The following WDR47 variants were observed in gnomAD, a reference collection of about 807,000 sequenced individuals.
The protein encoded by WDR47 is WD repeat-containing protein 47.
A neutral mutation model predicts 97.2 loss-of-function variants in WDR47; 32 were observed. The observed-to-expected ratio is 0.33, with a 90% CI of 0.25 to 0.44. WDR47 has a LOEUF of 0.44. Ranked by LOEUF, WDR47 falls within the 20% of genes least tolerant of loss-of-function variation. WDR47 has a pLI of 1.00. For missense variants in WDR47, 782 were observed against 1,102.3 expected, an observed-to-expected ratio of 0.71 and a Z score of 4.11; for synonymous variants, 375 against 373.5, an observed-to-expected ratio of 1.00 and a Z score of -0.05.
chr1:109,009,866 C>T (rs539024447), intron 5 of WDR47, among the ~76,000 whole-genome samples: 81 of 151,962 alleles, frequency 5.3e-4, no homozygotes, highest in African/African-American at 1.8e-3. Context: ...GGCGTGGTGG[C>T]GGGTGTTTGC....
In WDR47 at chr1:108,974,523, C is replaced by A; in HGVS notation, c.2617+13G>T. On this transcript the variant is annotated intron_variant, in intron 14 of 14. Coordinates refer to ENST00000369962, the MANE Select transcript of WDR47 (RefSeq NM_001142551.2). Reference sequence around the variant, plus strand: ...CAGGAAAGACTAAAAACAGAGAAGTCGATCTCAATCACCTTGTAGGTCTGT... The same window carrying A: ...CAGGAAAGACTAAAAACAGAGAAGTAGATCTCAATCACCTTGTAGGTCTGT... The A allele has an allele frequency of 1.9e-6, 3 of 1,608,828 alleles. No homozygotes were observed. The highest frequency in any genetic ancestry group is 2.2e-5 in the East Asian group (1 of 44,822).
chr1:108,974,466 C>T, intron 14 of WDR47, 70 bp downstream of exon 14: 1 of 1,262,906 alleles, frequency 7.9e-7, no homozygotes, highest in Non-Finnish European at 1.1e-6. Flanking sequence ...AACCACATCA[C>T]ATTAACAAAA....
rs576958432 is a variant in WDR47, at chr1:109,027,215, C to T, written c.-9-3694G>A. Among the ~76,000 whole-genome samples the T allele has an allele frequency of 1.3e-4, 20 of 151,942 alleles. No homozygotes were observed. In the East Asian group the frequency reaches 1.7e-3, roughly 13 times the overall value. The stretch of plus-strand genomic sequence containing the variant: ...GATTACAGGCGTGCACTTACACAAC[C>T]GGCTAATTTTTTGTATTTTTAGTAG... On this transcript the variant is annotated intron_variant, in intron 1 of 14. Transcript: ENST00000369962.
chr1:108,979,943 G>C (rs1265658287), intron 13 of WDR47, among the ~76,000 whole-genome samples: 1 of 152,180 alleles, frequency 6.6e-6, no homozygotes, highest in Non-Finnish European at 1.5e-5. Flanking sequence ...TGACAAATGA[G>C]TGAGCATTAC....
chr1:109,009,713 T>C (rs1005479958), intron 5 of WDR47, among the ~76,000 whole-genome samples: 1 of 152,134 alleles, frequency 6.6e-6, no homozygotes, highest in Admixed American at 6.6e-5. Flanking sequence ...AATGTATTCA[T>C]ATAGCCAGGC....
chr1:108,970,548 T>G lies in WDR47; in HGVS notation c.*882A>C, dbSNP rs528857181. 6.5e-6 allele frequency: 1 copy of G among 152,744 alleles called. No homozygotes were observed. Among genetic ancestry groups the G allele is most frequent in the African/African-American group, 2.4e-5 (1 of 41,576 alleles). The allele number at this position is 152,744 out of a possible 1,614,324, so 9.5% of individuals were successfully genotyped here. ...AAAGTTTAAATCTTCCATTTTAAAT[T>G]ATCATGCAGACATAGCATTTCAAGC... is the stretch of plus-strand genomic sequence containing the variant. On this transcript the variant is annotated 3_prime_UTR_variant, in exon 15 of 15. Coordinates refer to ENST00000369962, the MANE Select transcript of WDR47 (RefSeq NM_001142551.2).
chr1:109,034,777 C>T (rs532148946), intron 1 of WDR47, among the ~76,000 whole-genome samples: 76 of 152,262 alleles, frequency 5.0e-4, no homozygotes, highest in African/African-American at 1.8e-3. Flanking sequence ...TACCTGGTGC[C>T]AAAAGGGCTG....
intron 2 of WDR47, among the ~76,000 whole-genome samples, chr1:109,021,729 G>T (rs758376890): frequency 3.9e-5 from 6 of 152,098 alleles, no homozygotes; most frequent in Admixed American, 2.0e-4. Flanking sequence ...ATTTCACCAC[G>T]TTGGCCAGGC....
chr1:109,010,046 G>C (rs1477924094), intron 5 of WDR47, among the ~76,000 whole-genome samples: 1 of 151,626 alleles, frequency 6.6e-6, no homozygotes, highest in Non-Finnish European at 1.5e-5. Flanking sequence ...AAAAAAGACT[G>C]GTCCATCTAA....
At chr1:108,987,985 C>A (rs1421598595) in intron 9 of WDR47, among the ~76,000 whole-genome samples, 5 of 151,262 alleles carry the variant, frequency 3.3e-5, no homozygotes, top group African/African-American at 1.2e-4. Context: ...CCTATAATCC[C>A]AGCACTTTGT....
chr1:109,035,091 AAAC>A (rs1428789559), intron 1 of WDR47, among the ~76,000 whole-genome samples: 1 of 151,424 alleles, frequency 6.6e-6, no homozygotes, highest in Non-Finnish European at 1.5e-5. Flanking sequence ...CAAAAAAAAA[AAAC>A]AATTAGCCAG....
At chr1:108,971,686 T>C in intron 14 of WDR47, 114 bp from the exon 15 acceptor site, 1 of 1,150,952 alleles carries the variant, frequency 8.7e-7, no homozygotes. Flanking sequence ...ACTACATTAA[T>C]ATAATACATT....
chr1:109,032,880 G>C lies in WDR47; in HGVS notation c.-10+8982C>G, dbSNP rs370412929. 2.1e-3 allele frequency among the ~76,000 whole-genome samples: 315 copies of C among 152,056 alleles called. 1 individual carries two copies. The highest frequency in any genetic ancestry group is 0.02 in the Middle Eastern group (6 of 294). ...CCACTGCACTCCAGCCTGGGTGACAGAGTGACACTCTGTCCAAAAAAAAAA... is the reference window on the plus strand; with the variant it reads ...CCACTGCACTCCAGCCTGGGTGACACAGTGACACTCTGTCCAAAAAAAAAA... On this transcript the variant is annotated intron_variant, in intron 1 of 14. Coordinates refer to ENST00000369962, the MANE Select transcript of WDR47 (RefSeq NM_001142551.2).
chr1:108,981,881 A>C lies in WDR47; in HGVS notation c.2267-17T>G. 6.2e-7 allele frequency: 1 copy of C among 1,606,916 alleles called. No individual in the cohort carries two copies. The highest frequency in any genetic ancestry group is 8.5e-7 in the Non-Finnish European group (1 of 1,176,614). Reference sequence around the variant, plus strand: ...AAATATGCCCTATAAAAGATCATATACTCAATTATTAAGGTGGGAGAGTAT... The same window carrying C: ...AAATATGCCCTATAAAAGATCATATCCTCAATTATTAAGGTGGGAGAGTAT... On this transcript the variant is annotated splice_polypyrimidine_tract_variant and intron_variant, in intron 12 of 14. Coordinates refer to ENST00000369962, the MANE Select transcript of WDR47 (RefSeq NM_001142551.2).
At chr1:109,028,364 T>TTTTTG (rs1662365661) in intron 1 of WDR47, among the ~76,000 whole-genome samples, 1 of 125,254 alleles carries the variant, frequency 8.0e-6, no homozygotes, top group Non-Finnish European at 1.7e-5. Flanking sequence ...TTTGTTGGGT[T>TTTTTG]TTTTTTTTTT....
intron 6 of WDR47, among the ~76,000 whole-genome samples, chr1:109,003,172 T>C (rs1660341129): frequency 6.6e-6 from 1 of 152,194 alleles, no homozygotes; most frequent in South Asian, 2.1e-4. Flanking sequence ...CTAGTCAGTT[T>C]ACAGTATTGT....
Position 108,995,574 on chromosome 1 carries a change from A to G in WDR47, c.1691+6T>C. On this transcript the variant is annotated splice_donor_region_variant and intron_variant, in intron 8 of 14. Coordinates refer to ENST00000369962, the MANE Select transcript of WDR47 (RefSeq NM_001142551.2). ...ATTTCCAAGTTTTACAAAGTCAAGC[A>G]CTTACATTTGGCTTCCACAAGGTGA... The G allele has an allele frequency of 6.2e-7, 1 of 1,613,560 alleles. No individual in the cohort carries two copies.
chr1:108,986,860 T>A, intron 9 of WDR47, 180 bp from the exon 10 acceptor site: 1 of 531,006 alleles, frequency 1.9e-6, no homozygotes, highest in Non-Finnish European at 3.2e-6. Flanking sequence ...CTTACTAATA[T>A]CCTTTAAGAG....
At chr1:109,025,945 A>AG (rs1662185854) in intron 1 of WDR47, among the ~76,000 whole-genome samples, 1 of 152,144 alleles carries the variant, frequency 6.6e-6, no homozygotes, top group Non-Finnish European at 1.5e-5. Context: ...CGCATGCTTT[A>AG]GGTTTCCCTT....
Sources: allele counts gnomAD v4.1 joint callset (sites outside exome capture counted in the v4.1 genomes callset), GRCh38; gene constraint gnomAD v4.1.1; transcripts MANE v1.5; gene names NCBI Gene and HGNC (gene_info 2026-07-23, HGNC 2026-07-21).